ZFPM2: variants seen among roughly 807,000 people sequenced by gnomAD.
ZFPM2 encodes the protein zinc finger protein ZFPM2.
A neutral mutation model predicts 98.6 loss-of-function variants in ZFPM2; 20 were observed. The ratio of observed to expected loss-of-function variants is 0.20; its 90% CI spans 0.14 to 0.29. The LOEUF (loss-of-function observed/expected upper bound fraction) is 0.29. Among genes scored for constraint, ZFPM2 ranks in the 10% least tolerant of loss-of-function variants. The probability of loss-of-function intolerance (pLI) is 1.00; values close to 1 mark genes in which losing one functional copy is unlikely to be tolerated. For synonymous variants in ZFPM2, 518 were observed against 502.7 expected, an observed-to-expected ratio of 1.03 and a Z score of -0.41; for missense variants, 1,310 against 1,388.6, an observed-to-expected ratio of 0.94 and a Z score of 0.90.
Position 105,801,564 on chromosome 8 carries a change from G to C in ZFPM2, c.1482G>C (p.Val494=), listed in dbSNP as rs1814017218. Residue 494 remains valine, a synonymous_variant, in exon 8 of 8, where the codon GTG becomes GTC. Transcript: ENST00000407775. The part of the protein sequence containing the change: ...VQPNIGPSFP[V]GPFLSQFSFP... The stretch of plus-strand genomic sequence containing the variant: ...CTAATATTGGGCCTTCTTTCCCTGT[G>C]GGCCCTTTCCTATCTCAGTTTTCTT... 6.2e-7 allele frequency: 1 copy of C among 1,613,754 alleles called. No homozygotes were observed. Among genetic ancestry groups the C allele is most frequent in the Non-Finnish European group, 8.5e-7 (1 of 1,179,842 alleles).
intron 5 of ZFPM2, among the ~76,000 whole-genome samples, chr8:105,702,669 A>G (rs1811164821): frequency 6.6e-6 from 1 of 152,244 alleles, no homozygotes; most frequent in Admixed American, 6.5e-5. Context: ...CTCAACCCCA[A>G]AAGGGGACAC....
intron 5 of ZFPM2, among the ~76,000 whole-genome samples, chr8:105,634,872 ACT>A (rs1481645232): frequency 1.3e-5 from 2 of 152,108 alleles, no homozygotes; most frequent in Non-Finnish European, 2.9e-5. Context: ...CAGGAGGCAA[ACT>A]CTAAAGAGGA....
chr8:105,610,818 T>C (rs750974695), intron 4 of ZFPM2, among the ~76,000 whole-genome samples: 1 of 152,150 alleles, frequency 6.6e-6, no homozygotes, highest in Non-Finnish European at 1.5e-5. Flanking sequence ...GAGAGACAGA[T>C]TTCCTAAGGG....
chr8:105,542,428 C>G (rs571182580), intron 3 of ZFPM2, among the ~76,000 whole-genome samples: 1 of 152,230 alleles, frequency 6.6e-6, no homozygotes, highest in East Asian at 1.9e-4. Flanking sequence ...TAAGAGCTCT[C>G]AAGTGTCTGA....
intron 3 of ZFPM2, among the ~76,000 whole-genome samples, chr8:105,446,555 TGAA>T (rs142890727): frequency 2.4e-4 from 37 of 152,264 alleles, no homozygotes; most frequent in Middle Eastern, 3.4e-3. Context: ...GTGAACAAGG[TGAA>T]GAATTATGCT....
intron 5 of ZFPM2, among the ~76,000 whole-genome samples, chr8:105,678,085 T>G (rs1027841852): frequency 2.0e-5 from 3 of 152,174 alleles, no homozygotes; most frequent in Non-Finnish European, 4.4e-5. Flanking sequence ...TCTTTACACC[T>G]TTTTCCTCCT....
rs531643245 is a variant in ZFPM2, at chr8:105,356,400, C to A, written c.40+37419C>A. ...TAATTAAATATTAATAAATGGCTGA[C>A]TGGCAATCAATAAAAGTTATACACA... is the stretch of plus-strand genomic sequence containing the variant. On this transcript the variant is annotated intron_variant, in intron 1 of 7. Coordinates refer to ENST00000407775, the MANE Select transcript of ZFPM2 (RefSeq NM_012082.4). Among the ~76,000 whole-genome samples the A allele has an allele frequency of 1.1e-4, 17 of 152,306 alleles. No individual in the cohort carries two copies. In the South Asian group the frequency reaches 3.3e-3, roughly 30 times the overall value.
At chr8:105,366,858 G>T (rs1810523368) in intron 1 of ZFPM2, among the ~76,000 whole-genome samples, 1 of 150,716 alleles carries the variant, frequency 6.6e-6, no homozygotes, top group Non-Finnish European at 1.5e-5. Flanking sequence ...ATGGTTTTAG[G>T]TCTAACATTT....
intron 1 of ZFPM2, among the ~76,000 whole-genome samples, chr8:105,321,796 A>G (rs1229065504): frequency 6.6e-6 from 1 of 152,160 alleles, no homozygotes; most frequent in Admixed American, 6.5e-5. Context: ...AGCGGAGAAG[A>G]TATACCATCA....
chr8:105,648,265 A>T (rs1400508976), intron 5 of ZFPM2, among the ~76,000 whole-genome samples: 1 of 152,136 alleles, frequency 6.6e-6, no homozygotes, highest in Non-Finnish European at 1.5e-5. Flanking sequence ...TTCTTTGTAG[A>T]TTCTGGATAT....
intron 4 of ZFPM2, among the ~76,000 whole-genome samples, chr8:105,626,417 A>G (rs1236744911): frequency 6.6e-6 from 1 of 152,214 alleles, no homozygotes; most frequent in Non-Finnish European, 1.5e-5. Context: ...TTGAATTTGA[A>G]TTGAATTCCA....
At chr8:105,585,876 A>T (rs901445337) in intron 4 of ZFPM2, among the ~76,000 whole-genome samples, 5 of 152,060 alleles carry the variant, frequency 3.3e-5, no homozygotes, top group Admixed American at 3.3e-4. Flanking sequence ...AGAACCTAAG[A>T]TATATTTTAG....
At chr8:105,777,983 A>G (rs1563559268) in intron 5 of ZFPM2, among the ~76,000 whole-genome samples, 1 of 152,112 alleles carries the variant, frequency 6.6e-6, no homozygotes, top group East Asian at 1.9e-4. Context: ...AGAATATGTC[A>G]CAGCTCTTTA....
intron 1 of ZFPM2, among the ~76,000 whole-genome samples, chr8:105,408,099 A>G (rs182360624): frequency 6.2e-4 from 94 of 151,996 alleles, no homozygotes; most frequent in African/African-American, 2.0e-3. Context: ...TTTCTTTTTA[A>G]GATAGCCCTT....
intron 1 of ZFPM2, among the ~76,000 whole-genome samples, chr8:105,384,714 T>A (rs1019620787): frequency 1.3e-5 from 2 of 152,158 alleles, no homozygotes; most frequent in Admixed American, 1.3e-4. Flanking sequence ...GGGGGACTGA[T>A]GACACTAAGG....
At chr8:105,398,580 C>G (rs1291022207) in intron 1 of ZFPM2, among the ~76,000 whole-genome samples, 3 of 152,066 alleles carry the variant, frequency 2.0e-5, no homozygotes, top group African/African-American at 7.2e-5. Flanking sequence ...TGCCTCACAT[C>G]ATCAGGCATT....
intron 1 of ZFPM2, among the ~76,000 whole-genome samples, chr8:105,361,608 T>C (rs1289714937): frequency 6.6e-6 from 1 of 152,208 alleles, no homozygotes; most frequent in Admixed American, 6.5e-5. Context: ...TAACATCACC[T>C]AAATAATACT....
intron 5 of ZFPM2, among the ~76,000 whole-genome samples, chr8:105,661,937 C>T (rs934088712): frequency 2.6e-5 from 4 of 151,698 alleles, no homozygotes; most frequent in African/African-American, 9.7e-5. Flanking sequence ...TCTTCCACTC[C>T]GGAGAGGCTT....
At chr8:105,780,187 A>G (rs946436912) in intron 5 of ZFPM2, 7 of 152,232 alleles carry the variant, frequency 4.6e-5, no homozygotes, top group African/African-American at 1.7e-4. Context: ...TGTTTGCAGC[A>G]TAAGAGACAG....
Sources: gnomAD v4.1 joint callset for allele counts (sites outside exome capture counted in the v4.1 genomes callset) on GRCh38, gnomAD v4.1.1 for gene constraint, MANE v1.5 for transcripts, NCBI Gene and HGNC (gene_info 2026-07-23, HGNC 2026-07-21) for gene names.